Variants in MMP2 observed in about 807,000 individuals in gnomAD.
MMP2 encodes the protein matrix metallopeptidase 2, also known as 72 kDa type IV collagenase.
A neutral mutation model predicts 74.8 loss-of-function variants in MMP2; 39 were observed. The observed-to-expected ratio is 0.52, with a 90% CI of 0.40 to 0.68. The LOEUF (loss-of-function observed/expected upper bound fraction) is 0.68, where lower values mean the gene tolerates loss of function less well. Among genes scored for constraint, MMP2 ranks in the 30% least tolerant of loss-of-function variants. The pLI, the probability that MMP2 is intolerant of heterozygous loss-of-function variation, is 0.00. For synonymous variants in MMP2, 367 were observed against 339.8 expected (o/e 1.08, Z -0.88); for missense variants, 803 against 878.3 (o/e 0.91, Z 1.08).
chr16:55,480,634 C>G (rs1351384755), intron 1 of MMP2: 1 of 152,370 alleles, frequency 6.6e-6, no homozygotes, highest in Non-Finnish European at 1.5e-5. Context: ...GGCCAGGGAC[C>G]CATCAAGATG....
intron 5 of MMP2, chr16:55,486,918 A>G (rs2142351315): frequency 1.3e-5 from 2 of 152,348 alleles, no homozygotes; most frequent in South Asian, 4.1e-4. Flanking sequence ...AAAGAAACAA[A>G]GAGCTAGTTA....
rs1278144553 is a variant in MMP2 at position 55,498,322 on chromosome 16, T to A, written c.1643T>A (p.Leu548Gln). 1 of 1,614,230 alleles carries A rather than the reference T, an allele frequency of 6.2e-7. No individual in the cohort carries two copies. Among genetic ancestry groups the A allele is most frequent in the Admixed American group, 1.7e-5 (1 of 60,028 alleles). Residue 548 changes from leucine to glutamine, a missense_variant, in exon 11 of 13, where the codon CTG (leucine) becomes CAG (glutamine). Physicochemically the swap from Leu to Gln is moderately radical, Grantham distance 113. This residue lies in a region of MMP2 where 555 missense variants were observed against 592.0 expected (regional missense o/e 0.94). Transcript: ENST00000219070. ...TACTGGATCTACTCAGCCAGCACCC[T>A]GGAGCGAGGGTACCCCAAGCCACTG... ...NEYWIYSAST[L>Q]ERGYPKPLTS...
chr16:55,499,331 T>C (rs139101274), intron 11 of MMP2, among the ~76,000 whole-genome samples: 5 of 151,630 alleles, frequency 3.3e-5, no homozygotes, highest in South Asian at 4.2e-4. Flanking sequence ...GGAATGGGGG[T>C]TCCAAGAGAT....
chr16:55,496,992 GC>G lies in MMP2; in HGVS notation c.1541del (p.Pro514LeufsTer43). 1 of 1,614,142 alleles carries G rather than the reference GC, an allele frequency of 6.2e-7. No individual in the cohort carries two copies. The highest frequency in any genetic ancestry group is 8.5e-7 in the Non-Finnish European group (1 of 1,180,036). On this transcript the variant is annotated frameshift_variant, in exon 10 of 13. Coordinates refer to ENST00000219070, the MANE Select transcript of MMP2 (RefSeq NM_004530.6). LOFTEE classifies it high-confidence loss of function. ...GGCCCCTGCTGGTGGCCACATTCTGGCCTGAGCTCCCGGAAAAGATTGATGC... is the reference window on the plus strand; with the variant it reads ...GGCCCCTGCTGGTGGCCACATTCTGGCTGAGCTCCCGGAAAAGATTGATGC... ...MGPLLVATFW[P>X]ELPEKIDAVY...
At chr16:55,483,165 C>A in intron 2 of MMP2, 30 bp downstream of exon 2, 1 of 1,577,358 alleles carries the variant, frequency 6.3e-7, no homozygotes, top group Non-Finnish European at 8.7e-7. Flanking sequence ...GGAGGCAGGG[C>A]CATGGGGCTG....
chr16:55,492,608 A>G (rs1962438757), intron 8 of MMP2, among the ~76,000 whole-genome samples: 1 of 152,146 alleles, frequency 6.6e-6, no homozygotes, highest in Non-Finnish European at 1.5e-5. Flanking sequence ...GGGGACTGCT[A>G]GACTCAGGAA....
rs2142338435 is a variant in MMP2, at chr16:55,479,318, CG to C, written c.-160del. The C allele has an allele frequency of 1.1e-5, 9 of 799,726 alleles. No individual in the cohort carries two copies. The Admixed American group carries it at 1.4e-4, about 12-fold the overall frequency. The allele number at this position is 799,726 out of a possible 1,614,324, so 49.5% of individuals were successfully genotyped here. ...GCGGCGGGGGCTGGGGCGCGGGGGC[CG>C]GACCATGAGCCGCTGAGCCGGGCAA... is the stretch of plus-strand genomic sequence containing the variant. On this transcript the variant is annotated 5_prime_UTR_variant, in exon 1 of 13. Transcript: ENST00000219070.
rs899343752 is a variant in MMP2 at position 55,502,828 on chromosome 16, G to A, written c.1819G>A (p.Ala607Thr). Residue 607 changes from alanine to threonine, a missense_variant, in exon 12 of 13, where the codon GCA (alanine) becomes ACA (threonine). Physicochemically the swap from Ala to Thr is moderately conservative, Grantham distance 58. Transcript: ENST00000219070. ...KMDPGFPKLI[A>T]DAWNAIPDNL... ...GGATCCTGGCTTCCCCAAGCTCATC[G>A]CAGATGCCTGGAATGCCATCCCCGA... is the stretch of plus-strand genomic sequence containing the variant. The A allele has an allele frequency of 5.0e-6, 8 of 1,613,974 alleles. No homozygotes were observed. The highest frequency in any genetic ancestry group is 2.2e-5 in the East Asian group (1 of 44,886).
chr16:55,487,031 A>C (rs748838149), intron 5 of MMP2: 1 of 152,148 alleles, frequency 6.6e-6, no homozygotes, highest in Non-Finnish European at 1.5e-5. Flanking sequence ...AAATAAAAAT[A>C]TTTTTTGTAT....
intron 11 of MMP2, 82 bp from the exon 12 acceptor site, chr16:55,502,697 C>A: frequency 8.0e-7 from 1 of 1,256,802 alleles, no homozygotes; most frequent in Non-Finnish European, 1.2e-6. Context: ...CAGGAGCCAT[C>A]AGCTGGGTGC....
Position 55,505,650 on chromosome 16 carries a change from C to T in MMP2, c.*208C>T, listed in dbSNP as rs1380785935. 9 of 601,782 alleles carry T rather than the reference C, an allele frequency of 1.5e-5. No homozygotes were observed. Among genetic ancestry groups the T allele is most frequent in the African/African-American group, 5.5e-5 (3 of 54,058 alleles). The allele number at this position is 601,782 out of a possible 1,614,324, so 37.3% of individuals were successfully genotyped here. A position where few individuals can be genotyped will look rare whatever the true frequency, so the allele number is the denominator to read the frequency against. ...AGATGCTGACTGTACTCCTCCCAGG[C>T]GCCCCTTCCCCCTCCAATCCCACCA... On this transcript the variant is annotated 3_prime_UTR_variant, in exon 13 of 13. Transcript: ENST00000219070.
At chr16:55,491,979 G>C (rs768874754) in intron 8 of MMP2, 23 bp downstream of exon 8, 5 of 1,588,916 alleles carry the variant, frequency 3.1e-6, no homozygotes, top group Admixed American at 1.7e-5. Context: ...GCGGGGGTTG[G>C]GGGTGGAGGG....
intron 7 of MMP2, among the ~76,000 whole-genome samples, chr16:55,491,008 A>G (rs989766093): frequency 1.3e-5 from 2 of 150,704 alleles, no homozygotes; most frequent in Non-Finnish European, 3.0e-5. Context: ...AGGATGCGTC[A>G]CTCCAGTCTA....
At chr16:55,501,886 C>T (rs555697035) in intron 11 of MMP2, among the ~76,000 whole-genome samples, 2 of 152,074 alleles carry the variant, frequency 1.3e-5, no homozygotes, top group South Asian at 4.2e-4. Context: ...TCCATAGCTC[C>T]CATAGTGGGA....
At chr16:55,486,323 GTGTGTGTGTGTGTGTGTGTGTGCC>G (rs1395580604) in intron 5 of MMP2, among the ~76,000 whole-genome samples, 1 of 43,414 alleles carries the variant, frequency 2.3e-5, no homozygotes, top group African/African-American at 7.6e-5. Context: ...CTGCTAATGC[GTGTGTGTGTGTGTGTGTGTGTGCC>G]TGTGTGTGTG....
chr16:55,486,249 C>A (rs1436782587), intron 5 of MMP2, among the ~76,000 whole-genome samples: 1 of 151,918 alleles, frequency 6.6e-6, no homozygotes, highest in Non-Finnish European at 1.5e-5. Flanking sequence ...TGGACTCAAC[C>A]TGGTTTGCGT....
At chr16:55,494,589 G>C (rs1431900435) in intron 9 of MMP2, among the ~76,000 whole-genome samples, 1 of 152,158 alleles carries the variant, frequency 6.6e-6, no homozygotes, top group Non-Finnish European at 1.5e-5. Context: ...TAGAGTGTGG[G>C]TATTAAAAGG....
rs1962440201 is a variant in MMP2 at position 55,492,684 on chromosome 16, A to G, written c.1337-474A>G. The stretch of plus-strand genomic sequence containing the variant: ...TGGCCTCTGCCCTTCACTAGCTGCA[A>G]GATATTGTGTAAGTCTTTATACCTC... On this transcript the variant is annotated intron_variant, in intron 8 of 12. Transcript: ENST00000219070. Among the ~76,000 whole-genome samples the G allele has an allele frequency of 2.6e-5, 4 of 152,104 alleles. No individual in the cohort carries two copies. In the South Asian group the frequency reaches 8.3e-4, roughly 32 times the overall value.
Position 55,484,182 on chromosome 16 carries a change from C to T in MMP2, c.529+18C>T, listed in dbSNP as rs755044046. On this transcript the variant is annotated intron_variant, in intron 3 of 12. Transcript: ENST00000219070. ...CCGCTGGGGTAGGCAGAAGATGGGG[C>T]AGAAGAGGGGCCAGCAGGGATCAGT... The T allele has an allele frequency of 1.2e-6, 2 of 1,612,922 alleles. No individual in the cohort carries two copies. Among genetic ancestry groups the T allele is most frequent in the African/African-American group, 1.3e-5 (1 of 74,956 alleles).
Sources: allele counts gnomAD v4.1 joint callset (sites outside exome capture counted in the v4.1 genomes callset), GRCh38; gene constraint gnomAD v4.1.1; regional missense constraint gnomAD v4.1.1; transcripts MANE v1.5; gene names NCBI Gene and HGNC (gene_info 2026-07-23, HGNC 2026-07-21).